The following VPS13A variants were observed in gnomAD, a reference collection of about 807,000 sequenced individuals.
The protein encoded by VPS13A is vacuolar protein sorting 13 homolog A.
VPS13A carries 264 observed loss-of-function variants against 390.9 expected under a neutral mutation model. The observed-to-expected ratio is 0.68, with a 90% CI of 0.61 to 0.75. The LOEUF is 0.75. Among genes scored for constraint, VPS13A ranks in the 30% least tolerant of loss-of-function variants. The pLI, the probability that VPS13A is intolerant of heterozygous loss-of-function variation, is 0.00. For missense variants in VPS13A, 3,409 were observed against 3,733.9 expected (o/e 0.91, Z 2.27); for synonymous variants, 1,231 against 1,227.1 (o/e 1.00, Z -0.07).
In VPS13A at chr9:77,314,676, A is replaced by C; in HGVS notation, c.4412+12A>C. 1 of 1,608,670 alleles carries C rather than the reference A, an allele frequency of 6.2e-7. No individual in the cohort carries two copies. The highest frequency in any genetic ancestry group is 8.5e-7 in the Non-Finnish European group (1 of 1,175,772). On this transcript the variant is annotated intron_variant, in intron 37 of 71. Coordinates refer to ENST00000360280, the MANE Select transcript of VPS13A (RefSeq NM_033305.3). ...AAAGCAACTCCTCGGTATGTATTGT[A>C]ATGATGTTCTAAGGTTTTACTTGAG...
chr9:77,242,661 C>T (rs954768108), intron 19 of VPS13A, among the ~76,000 whole-genome samples: 3 of 151,748 alleles, frequency 2.0e-5, no homozygotes, highest in Admixed American at 6.6e-5. Context: ...GTCAGTTTTT[C>T]TTGATTGATA....
intron 71 of VPS13A, among the ~76,000 whole-genome samples, chr9:77,413,472 C>G (rs557082753): frequency 1.3e-5 from 2 of 152,058 alleles, no homozygotes; most frequent in African/African-American, 4.8e-5. Context: ...ACAAACCTGA[C>G]AAAAACAAGA....
chr9:77,323,127 A>T lies in VPS13A; in HGVS notation c.5891A>T (p.Tyr1964Phe). The T allele has an allele frequency of 6.2e-7, 1 of 1,613,478 alleles. No homozygotes were observed. Among genetic ancestry groups the T allele is most frequent in the Non-Finnish European group, 8.5e-7 (1 of 1,179,566 alleles). Residue 1964 changes from tyrosine to phenylalanine, a missense_variant, in exon 45 of 72, where the codon TAC becomes TTC. Around this residue, in one of 5 missense-constraint regions of VPS13A, gnomAD observed 2,717 missense variants for 2,917.4 expected, o/e 0.93. Coordinates refer to ENST00000360280, the MANE Select transcript of VPS13A (RefSeq NM_033305.3). ...TTAACAAAAGTGGGACGACGTCTGT[A>T]CACTGTAAGACACAGAGAGTCTGGC... is the stretch of plus-strand genomic sequence containing the variant. The part of the protein sequence containing the change: ...IPLTKVGRRL[Y>F]TVRHRESGVE...
chr9:77,333,426 AT>A (rs34369162), intron 46 of VPS13A, among the ~76,000 whole-genome samples: 1,813 of 107,632 alleles, frequency 0.017, 9 homozygotes, highest in African/African-American at 0.019. Flanking sequence ...CTCATTAGGC[AT>A]TTTTTTTTTT....
chr9:77,192,184 A>ACTTG (rs1824728013), intron 1 of VPS13A, among the ~76,000 whole-genome samples: 1 of 151,530 alleles, frequency 6.6e-6, no homozygotes, highest in Admixed American at 6.6e-5. Flanking sequence ...TTTTTGTTTT[A>ACTTG]CTTGCTTGAT....
intron 64 of VPS13A, 23 bp from the exon 65 acceptor site, chr9:77,370,392 T>G: frequency 1.2e-6 from 2 of 1,614,156 alleles, no homozygotes; most frequent in Non-Finnish European, 1.7e-6. Context: ...ATCATTACTT[T>G]TACTAAAGAT....
intron 67 of VPS13A, among the ~76,000 whole-genome samples, 180 bp downstream of exon 67, chr9:77,371,329 T>G (rs1832735841): frequency 6.6e-6 from 1 of 152,196 alleles, no homozygotes; most frequent in Non-Finnish European, 1.5e-5. Flanking sequence ...CTCACGGTTC[T>G]GAAAGTTAAG....
intron 68 of VPS13A, chr9:77,382,860 A>G: frequency 1.0e-6 from 1 of 985,424 alleles, no homozygotes; most frequent in Non-Finnish European, 1.2e-6. Flanking sequence ...ATCTGCTTAG[A>G]CAACTTTCTT....
chr9:77,301,646 G>T (rs1828360271), intron 33 of VPS13A, among the ~76,000 whole-genome samples: 1 of 152,122 alleles, frequency 6.6e-6, no homozygotes, highest in African/African-American at 2.4e-5. Flanking sequence ...CTTTGAGATT[G>T]TCACTTTGAG....
At position 77,308,412 on chromosome 9, in the gene VPS13A, TC is replaced by T. The variant is rs1828890998; in HGVS notation, c.4114+317del. Among the ~76,000 whole-genome samples, 5 of 152,230 alleles carry T rather than the reference TC, an allele frequency of 3.3e-5. No individual in the cohort carries two copies. The South Asian group carries it at 1.0e-3, about 32-fold the overall frequency. On this transcript the variant is annotated intron_variant, in intron 35 of 71. Transcript: ENST00000360280. The stretch of plus-strand genomic sequence containing the variant: ...AGTATATATTCATGTTTTCCTGACT[TC>T]CCTGTAGCTCCTCATTTTCCATTTT...
At chr9:77,189,497 A>G (rs753034485) in intron 1 of VPS13A, among the ~76,000 whole-genome samples, 6 of 152,052 alleles carry the variant, frequency 3.9e-5, no homozygotes, top group African/African-American at 7.2e-5. Flanking sequence ...TGTTTTGGTT[A>G]TTGTAGCCTT....
intron 46 of VPS13A, among the ~76,000 whole-genome samples, chr9:77,334,023 A>G (rs1328948367): frequency 2.0e-5 from 3 of 152,294 alleles, no homozygotes; most frequent in Admixed American, 2.0e-4. Context: ...AAAACTGTGG[A>G]AAACATAAAA....
chr9:77,275,015 T>C (rs1826563695), intron 24 of VPS13A, among the ~76,000 whole-genome samples: 1 of 152,138 alleles, frequency 6.6e-6, no homozygotes, highest in South Asian at 2.1e-4. Flanking sequence ...TTTGTGTATA[T>C]ATATGTATAC....
intron 1 of VPS13A, 124 bp from the exon 2 acceptor site, chr9:77,199,821 A>G (rs1478779810): frequency 6.8e-6 from 5 of 736,218 alleles, no homozygotes; most frequent in Non-Finnish European, 1.1e-5. Context: ...TAGGCAGATT[A>G]TATTATCTGT....
chr9:77,214,469 A>G, intron 10 of VPS13A, 83 bp downstream of exon 10: 4 of 1,116,460 alleles, frequency 3.6e-6, no homozygotes, highest in Non-Finnish European at 5.3e-6. Flanking sequence ...TCACTGTGCT[A>G]GTTCCTGTTA....
intron 52 of VPS13A, among the ~76,000 whole-genome samples, chr9:77,350,458 GTTA>G (rs1831390156): frequency 6.6e-6 from 1 of 152,080 alleles, no homozygotes; most frequent in Non-Finnish European, 1.5e-5. Flanking sequence ...AAAAGTCTGA[GTTA>G]TTTTTTTAGT....
intron 68 of VPS13A, among the ~76,000 whole-genome samples, chr9:77,383,236 A>G (rs1389286285): frequency 6.6e-6 from 1 of 152,000 alleles, no homozygotes; most frequent in African/African-American, 2.4e-5. Context: ...GTAACCATAG[A>G]GTTAATATGC....
chr9:77,277,864 A>C lies in VPS13A; in HGVS notation c.2824+1643A>C, dbSNP rs191259681. Among the ~76,000 whole-genome samples, 27 of 152,294 alleles carry C rather than the reference A, an allele frequency of 1.8e-4. No individual in the cohort carries two copies. The East Asian group carries it at 4.3e-3, about 24-fold the overall frequency. On this transcript the variant is annotated intron_variant, in intron 26 of 71. Coordinates refer to ENST00000360280, the MANE Select transcript of VPS13A (RefSeq NM_033305.3). Reference sequence around the variant, plus strand: ...TTCCACGGTTTGGCAATTGTTAATAAAGCTGCTGTGAACATTTGAATGCAA... The same window carrying C: ...TTCCACGGTTTGGCAATTGTTAATACAGCTGCTGTGAACATTTGAATGCAA...
chr9:77,411,262 C>T (rs939124463), intron 71 of VPS13A, among the ~76,000 whole-genome samples: 1 of 152,088 alleles, frequency 6.6e-6, no homozygotes, highest in Non-Finnish European at 1.5e-5. Context: ...CACAACATAG[C>T]AGAATCTCTG....
Sources: gnomAD v4.1 joint callset for allele counts (sites outside exome capture counted in the v4.1 genomes callset) on GRCh38, gnomAD v4.1.1 for gene constraint, gnomAD v4.1.1 regional missense constraint, MANE v1.5 for transcripts, NCBI Gene and HGNC (gene_info 2026-07-23, HGNC 2026-07-21) for gene names.